Variants in DIP2C observed in about 807,000 individuals in gnomAD.
DIP2C encodes the protein disco-interacting protein 2 homolog C.
DIP2C carries 33 observed loss-of-function variants against 192.4 expected under a neutral mutation model. That is an observed-to-expected ratio of 0.17 (90% CI 0.13 to 0.23). DIP2C has a LOEUF of 0.23. Ranked by LOEUF, DIP2C falls within the 10% of genes least tolerant of loss-of-function variation. The probability of loss-of-function intolerance (pLI) is 1.00; values close to 1 mark genes in which losing one functional copy is unlikely to be tolerated. For synonymous variants in DIP2C, 979 were observed against 864.1 expected, an observed-to-expected ratio of 1.13 and a Z score of -2.33; for missense variants, 1,537 against 2,110.1, an observed-to-expected ratio of 0.73 and a Z score of 5.32.
chr10:472,038 G>T (rs1398198354), intron 3 of DIP2C, among the ~76,000 whole-genome samples: 1 of 152,106 alleles, frequency 6.6e-6, no homozygotes, highest in African/African-American at 2.4e-5. Flanking sequence ...TGAAAGACAG[G>T]AAACACATAA....
At chr10:459,324 T>C (rs893664357) in intron 3 of DIP2C, among the ~76,000 whole-genome samples, 1 of 151,584 alleles carries the variant, frequency 6.6e-6, no homozygotes, top group African/African-American at 2.4e-5. Context: ...TGGGAGGGTC[T>C]CGAACCCCTG....
intron 4 of DIP2C, among the ~76,000 whole-genome samples, chr10:427,746 A>C: frequency 6.6e-6 from 1 of 152,228 alleles, no homozygotes. Flanking sequence ...GCAAAAATAA[A>C]AATACCAAAA....
At chr10:474,282 C>A (rs867127057) in intron 2 of DIP2C, among the ~76,000 whole-genome samples, 8 of 152,160 alleles carry the variant, frequency 5.3e-5, no homozygotes, top group African/African-American at 1.9e-4. Context: ...CATCAGCGTC[C>A]GCAGTGTGCT....
At chr10:443,108 G>T (rs956998739) in intron 3 of DIP2C, among the ~76,000 whole-genome samples, 1 of 152,154 alleles carries the variant, frequency 6.6e-6, no homozygotes, top group Non-Finnish European at 1.5e-5. Flanking sequence ...AGTGAAGGTG[G>T]TGCTTAAGTT....
At chr10:326,367 C>A (rs1226474251) in intron 31 of DIP2C, among the ~76,000 whole-genome samples, 1 of 152,096 alleles carries the variant, frequency 6.6e-6, no homozygotes, top group Non-Finnish European at 1.5e-5. Flanking sequence ...TAAGCAATCA[C>A]TCTGGGATCA....
intron 2 of DIP2C, chr10:484,857 G>A (rs760241524): frequency 1.1e-5 from 17 of 1,611,162 alleles, no homozygotes; most frequent in African/African-American, 6.7e-5. Flanking sequence ...CTCGGACGTC[G>A]CACACCCCGA....
intron 14 of DIP2C, among the ~76,000 whole-genome samples, chr10:385,811 G>A (rs907204395): frequency 4.6e-5 from 7 of 152,134 alleles, no homozygotes; most frequent in African/African-American, 1.7e-4. Flanking sequence ...GCAGACGAGA[G>A]GGCAGAGACC....
chr10:625,731 A>T (rs796271134), intron 1 of DIP2C, among the ~76,000 whole-genome samples: 14 of 152,358 alleles, frequency 9.2e-5, no homozygotes, highest in African/African-American at 3.4e-4. Context: ...CGCCCTGGAA[A>T]ACTGCGTGAA....
intron 8 of DIP2C, 108 bp downstream of exon 8, chr10:413,805 C>T: frequency 1.4e-6 from 2 of 1,391,434 alleles, no homozygotes; most frequent in South Asian, 1.4e-5. Flanking sequence ...AGAGGGTTAG[C>T]CTCGGGATTA....
In DIP2C at chr10:633,574, C is replaced by T. The variant is rs544439787; in HGVS notation, c.85+55920G>A. Among the ~76,000 whole-genome samples, 237 of 152,356 alleles carry T rather than the reference C, an allele frequency of 1.6e-3. 1 individual carries two copies. Among genetic ancestry groups the T allele is most frequent in the Non-Finnish European group, 2.7e-3 (187 of 68,024 alleles). On this transcript the variant is annotated intron_variant, in intron 1 of 36. Transcript: ENST00000280886. ...CCCATCCTGAGCCAGGGGGCCCTCGCGTCACCCAAGGCCACTGCAGCACCT... is the reference window on the plus strand; with the variant it reads ...CCCATCCTGAGCCAGGGGGCCCTCGTGTCACCCAAGGCCACTGCAGCACCT...
chr10:345,177 G>A (rs781389760), intron 26 of DIP2C, 67 bp from the exon 27 acceptor site: 61 of 1,420,470 alleles, frequency 4.3e-5, no homozygotes, highest in South Asian at 3.1e-4. Flanking sequence ...CACTTCACAC[G>A]GGTCTCCTGC....
intron 1 of DIP2C, among the ~76,000 whole-genome samples, chr10:587,552 CAAT>C (rs1205156544): frequency 6.6e-6 from 1 of 152,210 alleles, no homozygotes; most frequent in Non-Finnish European, 1.5e-5. Flanking sequence ...AGACATTGAT[CAAT>C]AACAAGTCGC....
intron 31 of DIP2C, chr10:324,957 C>T (rs774740576): frequency 3.8e-6 from 2 of 532,996 alleles, no homozygotes; most frequent in Admixed American, 3.9e-5. Flanking sequence ...GTACTCCTTC[C>T]TTGTAAACCA....
At chr10:469,264 A>AG (rs561898072) in intron 3 of DIP2C, among the ~76,000 whole-genome samples, 131 of 151,378 alleles carry the variant, frequency 8.7e-4, no homozygotes, top group Admixed American at 1.9e-3. Context: ...CCCAACCTTC[A>AG]GGTCCTATTG....
At chr10:680,956 G>C (rs1473197697) in intron 1 of DIP2C, among the ~76,000 whole-genome samples, 1 of 151,600 alleles carries the variant, frequency 6.6e-6, no homozygotes, top group African/African-American at 2.4e-5. Context: ...TCCAGGGAAT[G>C]CAGACCCCAG....
At chr10:563,482 G>T (rs1020905697) in intron 1 of DIP2C, among the ~76,000 whole-genome samples, 1 of 152,192 alleles carries the variant, frequency 6.6e-6, no homozygotes, top group Non-Finnish European at 1.5e-5. Flanking sequence ...TCATGCAATG[G>T]CATAGTAGCT....
rs1846906524 is a variant in DIP2C at position 524,113 on chromosome 10, T to TCCC, written c.86-37586_86-37584dup. 1.3e-5 allele frequency among the ~76,000 whole-genome samples: 2 copies of TCCC among 151,292 alleles called. 1 individual carries two copies. The highest frequency in any genetic ancestry group is 4.2e-4 in the South Asian group (2 of 4,796). ...ACTGGAGCACCCCTTCAGGAAGGAG[T>TCCC]CCCTGGCTCCAGGCCCTAACGTCCA... On this transcript the variant is annotated intron_variant, in intron 1 of 36. Coordinates refer to ENST00000280886, the MANE Select transcript of DIP2C (RefSeq NM_014974.3).
At chr10:342,522 G>C (rs557881733) in intron 28 of DIP2C, among the ~76,000 whole-genome samples, 2 of 152,326 alleles carry the variant, frequency 1.3e-5, no homozygotes, top group South Asian at 4.1e-4. Flanking sequence ...GCATTCCTCT[G>C]CTGGTCGAGG....
intron 32 of DIP2C, among the ~76,000 whole-genome samples, chr10:297,657 T>C (rs1336590182): frequency 2.0e-5 from 3 of 152,160 alleles, no homozygotes; most frequent in Non-Finnish European, 4.4e-5. Context: ...GAACAGTGCA[T>C]ACTGGAGGCT....
Sources: gnomAD v4.1 joint callset for allele counts (sites outside exome capture counted in the v4.1 genomes callset) on GRCh38, gnomAD v4.1.1 for gene constraint, MANE v1.5 for transcripts, NCBI Gene and HGNC (gene_info 2026-07-23, HGNC 2026-07-21) for gene names.